The following IKBKB variants were observed in gnomAD, a reference collection of about 807,000 sequenced individuals.
The protein encoded by IKBKB is inhibitor of nuclear factor kappa B kinase subunit beta, also known as inhibitor of nuclear factor kappa-B kinase subunit beta.
A neutral mutation model predicts 113.6 loss-of-function variants in IKBKB; 42 were observed. That is an observed-to-expected ratio of 0.37 (90% CI 0.29 to 0.48). The LOEUF is 0.48. Among genes scored for constraint, IKBKB ranks in the 20% least tolerant of loss-of-function variants. The probability of loss-of-function intolerance (pLI) is 0.99; values close to 1 mark genes in which losing one functional copy is unlikely to be tolerated. For synonymous variants in IKBKB, 296 were observed against 361.3 expected (o/e 0.82, Z 2.05); for missense variants, 673 against 939.7 (o/e 0.72, Z 3.71).
rs142793257 is a variant in IKBKB at position 42,314,604 on chromosome 8, G to A, written c.800+175G>A. ...AGCCTGGCCAACATGGTGAAACCCCGTCTCTACTAAAAATGCAAAAATTAG... is the reference window on the plus strand; with the variant it reads ...AGCCTGGCCAACATGGTGAAACCCCATCTCTACTAAAAATGCAAAAATTAG... On this transcript the variant is annotated intron_variant, in intron 9 of 21. Coordinates refer to ENST00000520810, the MANE Select transcript of IKBKB (RefSeq NM_001556.3). 9.4e-3 allele frequency among the ~76,000 whole-genome samples: 1,425 copies of A among 151,948 alleles called. 19 individuals are homozygous for A. Among genetic ancestry groups the A allele is most frequent in the African/African-American group, 0.027 (1,121 of 41,436 alleles).
chr8:42,329,459 A>G (rs1367279712), intron 21 of IKBKB: 2 of 888,178 alleles, frequency 2.3e-6, no homozygotes, highest in Admixed American at 5.5e-5. Context: ...AGTAGCTGGG[A>G]CTACAGGCGT....
rs566090154 is a variant in IKBKB, at chr8:42,331,372, C to G, written c.*393C>G. The G allele has an allele frequency of 1.4e-6, 1 of 702,888 alleles. No individual in the cohort carries two copies. The allele number at this position is 702,888 out of a possible 1,614,324, so 43.5% of individuals were successfully genotyped here. A position where few individuals can be genotyped will look rare whatever the true frequency, so the allele number is the denominator to read the frequency against. On this transcript the variant is annotated 3_prime_UTR_variant, in exon 22 of 22. Transcript: ENST00000520810. ...TGCTTGGAGTACGGTTTGCCACACA[C>G]GTGACTGGACAGTGTCCAATTCAAA...
At chr8:42,274,861 A>T (rs1389517984) in intron 2 of IKBKB, among the ~76,000 whole-genome samples, 1 of 132,572 alleles carries the variant, frequency 7.5e-6, no homozygotes, top group Non-Finnish European at 1.6e-5. Context: ...CCTGGACGAG[A>T]TCAGTTTTTT....
At chr8:42,288,569 C>G (rs2130285078) in intron 2 of IKBKB, 65 bp from the exon 3 acceptor site, 8 of 1,293,560 alleles carry the variant, frequency 6.2e-6, no homozygotes, top group Admixed American at 5.9e-5. Context: ...CCCTCCCATG[C>G]AGCAGACAGG....
Position 42,331,044 on chromosome 8 carries a change from C to T in IKBKB, c.*65C>T, listed in dbSNP as rs201181169. ...GCAGGCCTTGTGCAGTGGGGGGACTCGACCCCCTGACATGGGGCTGCCTGG... is the reference window on the plus strand; with the variant it reads ...GCAGGCCTTGTGCAGTGGGGGGACTTGACCCCCTGACATGGGGCTGCCTGG... On this transcript the variant is annotated 3_prime_UTR_variant, in exon 22 of 22. Coordinates refer to ENST00000520810, the MANE Select transcript of IKBKB (RefSeq NM_001556.3). 47 of 1,593,200 alleles carry T rather than the reference C, an allele frequency of 3.0e-5. No homozygotes were observed. Among genetic ancestry groups the T allele is most frequent in the South Asian group, 1.2e-4 (11 of 89,886 alleles).
chr8:42,287,284 A>T (rs1811610146), intron 2 of IKBKB, among the ~76,000 whole-genome samples: 1 of 152,248 alleles, frequency 6.6e-6, no homozygotes, highest in Non-Finnish European at 1.5e-5. Context: ...ACCGCTGAGG[A>T]TGCTGCTGGT....
At chr8:42,320,641 A>C in intron 15 of IKBKB, 94 bp from the exon 16 acceptor site, 4 of 954,346 alleles carry the variant, frequency 4.2e-6, no homozygotes, top group Non-Finnish European at 5.0e-6. Flanking sequence ...TCCTCAGGGA[A>C]TGTGGCGGGT....
rs1041414843 is a variant in IKBKB, at chr8:42,329,920, T to G, written c.2205+706T>G. Reference sequence around the variant, plus strand: ...GCTAACCTCCCCTAACTTTAAGCTTTTGGAAGAATTACAAGGGATACCACT... The same window carrying G: ...GCTAACCTCCCCTAACTTTAAGCTTGTGGAAGAATTACAAGGGATACCACT... On this transcript the variant is annotated intron_variant, in intron 21 of 21. Transcript: ENST00000520810. 1.8e-5 allele frequency: 18 copies of G among 985,342 alleles called. No homozygotes were observed. In the East Asian group the frequency reaches 1.8e-3, roughly 99 times the overall value. 61.0% of individuals were successfully genotyped at this position (985,342 alleles called of 1,614,324 possible). A position where few individuals can be genotyped will look rare whatever the true frequency, so the allele number is the denominator to read the frequency against.
At chr8:42,307,098 G>A (rs951284197) in intron 7 of IKBKB, among the ~76,000 whole-genome samples, 7 of 152,284 alleles carry the variant, frequency 4.6e-5, no homozygotes, top group Middle Eastern at 3.4e-3. Context: ...TACAGTTGTG[G>A]TGAGTGTTAC....
At chr8:42,324,296 G>A (rs189715116) in intron 19 of IKBKB, among the ~76,000 whole-genome samples, 4 of 152,108 alleles carry the variant, frequency 2.6e-5, no homozygotes, top group African/African-American at 4.8e-5. Context: ...ACAAAGTCTC[G>A]CTCTGTCCCT....
Position 42,316,815 on chromosome 8 carries a change from A to T in IKBKB, c.1036A>T (p.Ile346Phe). ...GGCCAGAATCCAACAGGACACGGGCATCCCAGAGGAGGACCAGGAGCTGCT... is the reference window on the plus strand; with the variant it reads ...GGCCAGAATCCAACAGGACACGGGCTTCCCAGAGGAGGACCAGGAGCTGCT... ...LKARIQQDTG[I>F]PEEDQELLQE... is the part of the protein sequence containing the mutation. The change falls in exon 11 of 22, where the codon ATC (isoleucine) becomes TTC (phenylalanine). Residue 346 changes from isoleucine to phenylalanine, a missense_variant. By Grantham distance (21) the Ile-to-Phe change is conservative. Around this residue, in one of 2 missense-constraint regions of IKBKB, gnomAD observed 506 missense variants for 638.7 expected, o/e 0.79. Transcript: ENST00000520810. This position sits in a 1 kb window ranked among gnomAD's most constrained non-coding sequence, Gnocchi z 4.5. 6.2e-7 allele frequency: 1 copy of T among 1,614,208 alleles called. No individual in the cohort carries two copies. The highest frequency in any genetic ancestry group is 8.5e-7 in the Non-Finnish European group (1 of 1,180,032).
intron 2 of IKBKB, among the ~76,000 whole-genome samples, chr8:42,276,745 C>T (rs1311776408): frequency 2.0e-5 from 3 of 150,858 alleles, no homozygotes; most frequent in Admixed American, 6.6e-5. Flanking sequence ...TCACTCTCAG[C>T]TGAGACAGGT....
intron 5 of IKBKB, 102 bp downstream of exon 5, chr8:42,293,614 T>C (rs1249219294): frequency 6.3e-7 from 1 of 1,598,298 alleles, no homozygotes; most frequent in Non-Finnish European, 8.5e-7. Context: ...AATCCTTTGG[T>C]CTCTGTGGAA....
chr8:42,290,225 C>T lies in IKBKB; in HGVS notation c.270C>T (p.Asp90=), dbSNP rs766630242. 2 of 1,613,636 alleles carry T rather than the reference C, an allele frequency of 1.2e-6. No homozygotes were observed. Among genetic ancestry groups the T allele is most frequent in the African/African-American group, 1.3e-5 (1 of 74,926 alleles). The part of the protein sequence containing the change: ...PEGMQNLAPN[D]LPLLAMEYCQ... The stretch of plus-strand genomic sequence containing the variant: ...GGATGCAGAACTTGGCGCCCAATGA[C>T]CTGCCCCTGCTGGCCATGGAGTACT... The change falls in exon 4 of 22, where the codon GAC becomes GAT. Residue 90 remains aspartate (D), a synonymous_variant. Transcript: ENST00000520810.
Position 42,316,921 on chromosome 8 carries a change from T to C in IKBKB, c.1125+17T>C. 6.2e-7 allele frequency: 1 copy of C among 1,611,322 alleles called. No individual in the cohort carries two copies. The highest frequency in any genetic ancestry group is 8.5e-7 in the Non-Finnish European group (1 of 1,178,038). On this transcript the variant is annotated intron_variant, in intron 11 of 21. Coordinates refer to ENST00000520810, the MANE Select transcript of IKBKB (RefSeq NM_001556.3). The surrounding 1 kb of genome is among the most constrained non-coding windows in gnomAD (Gnocchi z 4.5). ...GACGGCAAGGTGAGCCCTGGCTTCG[T>C]ACACACCATCCTGTTTACCTTGGCT...
At chr8:42,297,433 C>T (rs750293212) in intron 5 of IKBKB, among the ~76,000 whole-genome samples, 2 of 152,178 alleles carry the variant, frequency 1.3e-5, no homozygotes, top group Non-Finnish European at 2.9e-5. Flanking sequence ...CCGCTGGGTC[C>T]GGATTCATTG....
At chr8:42,323,408 G>A (rs1292436947) in intron 19 of IKBKB, among the ~76,000 whole-genome samples, 1 of 152,208 alleles carries the variant, frequency 6.6e-6, no homozygotes, top group East Asian at 1.9e-4. Context: ...GCCACATGGT[G>A]GGGAAATGGG....
At chr8:42,276,732 G>A (rs945525331) in intron 2 of IKBKB, among the ~76,000 whole-genome samples, 1 of 149,696 alleles carries the variant, frequency 6.7e-6, no homozygotes, top group African/African-American at 2.5e-5. Flanking sequence ...TTTTGAGACA[G>A]TCTCACTCTC....
rs1453491707 is a variant in IKBKB, at chr8:42,331,156, C to T, written c.*177C>T. 2 of 937,154 alleles carry T rather than the reference C, an allele frequency of 2.1e-6. No individual in the cohort carries two copies. Among genetic ancestry groups the T allele is most frequent in the East Asian group, 5.2e-5 (2 of 38,244 alleles). 58.1% of individuals were successfully genotyped at this position (937,154 alleles called of 1,614,324 possible). A position where few individuals can be genotyped will look rare whatever the true frequency, so the allele number is the denominator to read the frequency against. On this transcript the variant is annotated 3_prime_UTR_variant, in exon 22 of 22. Transcript: ENST00000520810. Reference sequence around the variant, plus strand: ...TGATGGCCCAGGGGTCTCTGGTATCCAGATGGAGCTCTCGCTTCCTCAGCA... The same window carrying T: ...TGATGGCCCAGGGGTCTCTGGTATCTAGATGGAGCTCTCGCTTCCTCAGCA...
Sources: allele counts gnomAD v4.1 joint callset (sites outside exome capture counted in the v4.1 genomes callset), GRCh38; gene constraint gnomAD v4.1.1; regional missense constraint gnomAD v4.1.1; non-coding constraint Gnocchi (gnomAD v3.1); transcripts MANE v1.5; gene names NCBI Gene and HGNC (gene_info 2026-07-23, HGNC 2026-07-21).